Variants in TENM3 observed in about 807,000 individuals in gnomAD.
TENM3 encodes the protein teneurin transmembrane protein 3.
A neutral mutation model predicts 255.1 loss-of-function variants in TENM3; 63 were observed. The observed-to-expected ratio is 0.25, with a 90% confidence interval of 0.20 to 0.30. The LOEUF (loss-of-function observed/expected upper bound fraction) is 0.30, where lower values mean the gene tolerates loss of function less well. TENM3 is among the 10% of genes least tolerant of loss of function. The probability of loss-of-function intolerance (pLI) is 1.00; values close to 1 mark genes in which losing one functional copy is unlikely to be tolerated. For missense variants in TENM3, 2,929 were observed against 3,461.1 expected (o/e 0.85, Z 3.86); for synonymous variants, 1,306 against 1,322.3 (o/e 0.99, Z 0.27).
chr4:181,596,851 T>C, the TENM3 span, among the ~76,000 whole-genome samples: 1 of 152,090 alleles, frequency 6.6e-6, no homozygotes, highest in South Asian at 2.1e-4. Context: ...AAATACCACA[T>C]GTTGTCACTT....
chr4:182,648,493 C>T (rs2152505287), intron 5 of TENM3, among the ~76,000 whole-genome samples: 1 of 152,248 alleles, frequency 6.6e-6, no homozygotes, highest in South Asian at 2.1e-4. Context: ...GTTGGTCAGG[C>T]TGGTCTCAAA....
At chr4:182,311,830 A>G (rs1762466917) in intron 1 of TENM3, among the ~76,000 whole-genome samples, 1 of 152,234 alleles carries the variant, frequency 6.6e-6, no homozygotes, top group Non-Finnish European at 1.5e-5. Context: ...AGTGGCACAC[A>G]GACTTCCCAA....
At chr4:182,668,300 C>T (rs896389105) in intron 6 of TENM3, among the ~76,000 whole-genome samples, 28 of 152,030 alleles carry the variant, frequency 1.8e-4, no homozygotes, top group African/African-American at 4.8e-4. Flanking sequence ...GTGAGAGGTA[C>T]GCCTTTCTTT....
At chr4:182,403,294 TTC>T (rs1375436409) in intron 3 of TENM3, among the ~76,000 whole-genome samples, 3 of 152,210 alleles carry the variant, frequency 2.0e-5, no homozygotes, top group Non-Finnish European at 4.4e-5. Flanking sequence ...TAAGGAATTA[TTC>T]TGAAATATAA....
chr4:181,488,538 A>G, the TENM3 span, among the ~76,000 whole-genome samples: 1 of 152,198 alleles, frequency 6.6e-6, no homozygotes, highest in East Asian at 1.9e-4. Context: ...AAATGTAGTC[A>G]ATTTTACCAT....
intron 1 of TENM3, among the ~76,000 whole-genome samples, chr4:182,244,156 T>C (rs1162057517): frequency 2.6e-5 from 4 of 151,528 alleles, no homozygotes; most frequent in African/African-American, 9.7e-5. Context: ...GGTTTCACCA[T>C]TTTAGCCGGG....
At chr4:181,583,033 C>T in the TENM3 span, among the ~76,000 whole-genome samples, 1 of 152,160 alleles carries the variant, frequency 6.6e-6, no homozygotes, top group Non-Finnish European at 1.5e-5. Context: ...CACACACACA[C>T]ATCTTTGGGC....
the TENM3 span, among the ~76,000 whole-genome samples, chr4:181,463,725 G>A: frequency 0.21 from 31,905 of 151,914 alleles, 3,728 homozygotes; most frequent in Admixed American, 0.26. Context: ...ACAGGGCTGT[G>A]CAACCATCAT....
chr4:181,948,178 G>A, the TENM3 span, among the ~76,000 whole-genome samples: 1 of 152,082 alleles, frequency 6.6e-6, no homozygotes, highest in East Asian at 1.9e-4. Context: ...TTCTATGGAG[G>A]TTACAAAACA....
chr4:181,717,364 A>G, the TENM3 span, among the ~76,000 whole-genome samples: 1 of 152,128 alleles, frequency 6.6e-6, no homozygotes, highest in Non-Finnish European at 1.5e-5. Flanking sequence ...CCTAGTAGAG[A>G]TATTTTAAGT....
At chr4:182,086,596 T>G in the TENM3 span, among the ~76,000 whole-genome samples, 2 of 152,138 alleles carry the variant, frequency 1.3e-5, no homozygotes, top group Non-Finnish European at 2.9e-5. Context: ...AGGAAGGTGT[T>G]TTTTTCTTGA....
chr4:182,729,233 C>A, intron 14 of TENM3, 52 bp downstream of exon 14: 1 of 1,452,656 alleles, frequency 6.9e-7, no homozygotes, highest in Non-Finnish European at 9.6e-7. Context: ...TCAACAGTTA[C>A]ATACACTTAT....
the TENM3 span, among the ~76,000 whole-genome samples, chr4:181,701,636 C>T: frequency 2.6e-5 from 4 of 152,148 alleles, no homozygotes; most frequent in African/African-American, 7.2e-5. Context: ...ATGAAGTGCA[C>T]GAAACAAAAT....
chr4:181,873,391 C>T, the TENM3 span, among the ~76,000 whole-genome samples: 1 of 152,026 alleles, frequency 6.6e-6, no homozygotes, highest in Non-Finnish European at 1.5e-5. Flanking sequence ...TTTAATGCTA[C>T]CAATTTTCCT....
At chr4:181,983,033 T>C in the TENM3 span, among the ~76,000 whole-genome samples, 2 of 152,140 alleles carry the variant, frequency 1.3e-5, no homozygotes, top group Non-Finnish European at 2.9e-5. Flanking sequence ...TTTGTACAAA[T>C]GTTTGTATTT....
At chr4:181,815,001 A>G in the TENM3 span, among the ~76,000 whole-genome samples, 2 of 152,182 alleles carry the variant, frequency 1.3e-5, no homozygotes, top group African/African-American at 4.8e-5. Context: ...AGGCCTATAA[A>G]ATAGATAAAC....
intron 12 of TENM3, among the ~76,000 whole-genome samples, chr4:182,696,614 A>G (rs1000409045): frequency 6.6e-6 from 1 of 152,060 alleles, no homozygotes; most frequent in Non-Finnish European, 1.5e-5. Flanking sequence ...AATCCCAGCT[A>G]CTTGGGAGGC....
At chr4:182,436,516 A>G (rs1772058332) in intron 3 of TENM3, among the ~76,000 whole-genome samples, 1 of 152,162 alleles carries the variant, frequency 6.6e-6, no homozygotes, top group South Asian at 2.1e-4. Context: ...AGAGCCTCCT[A>G]TTTGTGGAAC....
the TENM3 span, among the ~76,000 whole-genome samples, chr4:181,540,407 A>G: frequency 1.3e-5 from 2 of 152,252 alleles, no homozygotes; most frequent in East Asian, 1.9e-4. Context: ...CATTACAGAG[A>G]TCAAGCACAT....
Sources: allele counts gnomAD v4.1 joint callset (sites outside exome capture counted in the v4.1 genomes callset), GRCh38; gene constraint gnomAD v4.1.1; transcripts MANE v1.5; gene names NCBI Gene and HGNC (gene_info 2026-07-23, HGNC 2026-07-21).